DYNC2I1: variants seen among roughly 807,000 people sequenced by gnomAD.
The protein encoded by DYNC2I1 is cytoplasmic dynein 2 intermediate chain 1.
A neutral mutation model predicts 133.4 loss-of-function variants in DYNC2I1; 89 were observed. That is an observed-to-expected ratio of 0.67 (90% CI 0.56 to 0.80). DYNC2I1 has a LOEUF of 0.80. Among genes scored for constraint, DYNC2I1 ranks in the 30% least tolerant of loss-of-function variants. The pLI, the probability that DYNC2I1 is intolerant of heterozygous loss-of-function variation, is 0.00. For missense variants in DYNC2I1, 1,291 were observed against 1,314.5 expected, an observed-to-expected ratio of 0.98 and a Z score of 0.28; for synonymous variants, 504 against 484.3, an observed-to-expected ratio of 1.04 and a Z score of -0.54.
rs974532159 is a variant in DYNC2I1, at chr7:158,945,335, C to T, written c.3003-246C>T. On this transcript the variant is annotated intron_variant, in intron 24 of 24. Coordinates refer to ENST00000407559, the MANE Select transcript of DYNC2I1 (RefSeq NM_018051.5). This position sits in a 1 kb window ranked among gnomAD's most constrained non-coding sequence, Gnocchi z 4.1. ...CCTGCTGGGGGCTACTGACTCCCGG[C>T]CTGAGGAGACAGCAGCACGTCCTCA... Among the ~76,000 whole-genome samples, 2 of 152,150 alleles carry T rather than the reference C, an allele frequency of 1.3e-5. No homozygotes were observed. Among genetic ancestry groups the T allele is most frequent in the African/African-American group, 4.8e-5 (2 of 41,430 alleles).
intron 2 of DYNC2I1, among the ~76,000 whole-genome samples, chr7:158,870,808 C>T (rs1423837277): frequency 3.9e-5 from 6 of 152,020 alleles, no homozygotes; most frequent in African/African-American, 9.7e-5. Flanking sequence ...ACCTGTCACC[C>T]GAATAGTGAA....
chr7:158,908,433 C>G lies in DYNC2I1; in HGVS notation c.1460+2342C>G, dbSNP rs189844515. ...AAGGTACAATTGTCTGTAAATCTGA[C>G]AAAATTTAAAGGTAATTGACCAATT... On this transcript the variant is annotated intron_variant, in intron 11 of 24. Coordinates refer to ENST00000407559, the MANE Select transcript of DYNC2I1 (RefSeq NM_018051.5). Among the ~76,000 whole-genome samples the G allele has an allele frequency of 2.8e-4, 43 of 152,112 alleles. No individual in the cohort carries two copies. The East Asian group carries it at 7.7e-3, about 27-fold the overall frequency.
At chr7:158,898,259 G>A (rs1233641894) in intron 8 of DYNC2I1, among the ~76,000 whole-genome samples, 1 of 152,196 alleles carries the variant, frequency 6.6e-6, no homozygotes, top group Non-Finnish European at 1.5e-5. Context: ...CCGGTTCACT[G>A]ATGGTGCCGT....
intron 5 of DYNC2I1, among the ~76,000 whole-genome samples, chr7:158,884,059 T>G: frequency 6.6e-6 from 1 of 150,760 alleles, no homozygotes. Flanking sequence ...TTTTTTTTTT[T>G]TTTGAGATGG....
chr7:158,920,534 A>G (rs866957627), intron 15 of DYNC2I1, among the ~76,000 whole-genome samples: 2 of 151,676 alleles, frequency 1.3e-5, no homozygotes, highest in Non-Finnish European at 1.5e-5. Flanking sequence ...CTGTTGGGGA[A>G]CTCGTGAAGT....
upstream of DYNC2I1, among the ~76,000 whole-genome samples, chr7:158,853,922 G>A (rs1841110649): frequency 6.6e-6 from 1 of 152,010 alleles, no homozygotes; most frequent in South Asian, 2.1e-4. Context: ...CAAAGTGCTG[G>A]GATTACAGGC....
At chr7:158,939,182 C>G (rs1283681491) in intron 23 of DYNC2I1, among the ~76,000 whole-genome samples, 1 of 152,066 alleles carries the variant, frequency 6.6e-6, no homozygotes, top group Non-Finnish European at 1.5e-5. Flanking sequence ...ATAATCCCAG[C>G]ACTTTGGGAG....
intron 11 of DYNC2I1, among the ~76,000 whole-genome samples, chr7:158,908,363 A>G (rs1847052455): frequency 6.6e-6 from 1 of 152,200 alleles, no homozygotes; most frequent in Non-Finnish European, 1.5e-5. Context: ...AAAAAGAATA[A>G]AAATTAAAAA....
Position 158,944,037 on chromosome 7 carries a change from TAGAC to T in DYNC2I1, c.3003-1540_3003-1537del, listed in dbSNP as rs530037824. Reference sequence around the variant, plus strand: ...AAGTGCCCAGTTACTTTTCTCTGGTTAGACAGAGAAACAGAACAAGAAGAAACGG... The same window carrying T: ...AAGTGCCCAGTTACTTTTCTCTGGTTAGAGAAACAGAACAAGAAGAAACGG... On this transcript the variant is annotated intron_variant, in intron 24 of 24. Coordinates refer to ENST00000407559, the MANE Select transcript of DYNC2I1 (RefSeq NM_018051.5). Among the ~76,000 whole-genome samples, 296 of 152,328 alleles carry T rather than the reference TAGAC, an allele frequency of 1.9e-3. 3 individuals are homozygous for T. Among genetic ancestry groups the T allele is most frequent in the Non-Finnish European group, 3.5e-3 (239 of 68,020 alleles).
At chr7:158,918,584 G>A (rs1307916397) in intron 14 of DYNC2I1, among the ~76,000 whole-genome samples, 156 bp from the exon 15 acceptor site, 1 of 152,234 alleles carries the variant, frequency 6.6e-6, no homozygotes, top group Non-Finnish European at 1.5e-5. Flanking sequence ...TCAGTATTGA[G>A]CAGAAAGGAC....
chr7:158,874,522 G>C (rs116396879), intron 3 of DYNC2I1, among the ~76,000 whole-genome samples: 1 of 152,054 alleles, frequency 6.6e-6, no homozygotes, highest in Admixed American at 6.5e-5. Flanking sequence ...TTTCAGTGTG[G>C]TGTTGAAAGG....
chr7:158,883,380 TTA>T (rs1844246960), intron 5 of DYNC2I1, among the ~76,000 whole-genome samples: 1 of 142,140 alleles, frequency 7.0e-6, no homozygotes, highest in Non-Finnish European at 1.6e-5. Context: ...TGGCTTATTA[TTA>T]TTTTTTTTTT....
At chr7:158,919,341 G>A (rs775807370) in intron 15 of DYNC2I1, among the ~76,000 whole-genome samples, 9 of 152,192 alleles carry the variant, frequency 5.9e-5, no homozygotes, top group Non-Finnish European at 1.3e-4. Flanking sequence ...TCAATCCGTG[G>A]TTATGGAACA....
At chr7:158,933,958 T>C (rs1023987480) in intron 21 of DYNC2I1, among the ~76,000 whole-genome samples, 171 bp from the exon 22 acceptor site, 2 of 152,142 alleles carry the variant, frequency 1.3e-5, no homozygotes, top group East Asian at 3.8e-4. Context: ...GAAAAAATTA[T>C]CAAGAGTGTA....
rs185708745 is a variant in DYNC2I1, at chr7:158,902,622, G to A, written c.1357+27G>A. The A allele has an allele frequency of 2.0e-4, 324 of 1,603,896 alleles. No individual in the cohort carries two copies. In the African/African-American group the frequency reaches 4.1e-3, roughly 20 times the overall value. The stretch of plus-strand genomic sequence containing the variant: ...TAAACAAATCAATGCTACTAATGGT[G>A]TCCGTGCTCTTAGGGCTCTGTGTAC... On this transcript the variant is annotated intron_variant, in intron 10 of 24. Coordinates refer to ENST00000407559, the MANE Select transcript of DYNC2I1 (RefSeq NM_018051.5).
intron 4 of DYNC2I1, among the ~76,000 whole-genome samples, chr7:158,951,902 A>G (rs1269124935): frequency 6.6e-6 from 1 of 152,206 alleles, no homozygotes; most frequent in Admixed American, 6.5e-5. Flanking sequence ...TTTTAGAAGG[A>G]TGTGTTCTGG....
chr7:158,854,178 T>C (rs545737993), upstream of DYNC2I1, among the ~76,000 whole-genome samples: 97 of 152,154 alleles, frequency 6.4e-4, no homozygotes, highest in African/African-American at 2.2e-3. Context: ...AGCCGACCCA[T>C]TGAGTGAAGG....
chr7:158,843,374 C>T, the DYNC2I1 span, among the ~76,000 whole-genome samples: 1 of 152,194 alleles, frequency 6.6e-6, no homozygotes, highest in Non-Finnish European at 1.5e-5. Flanking sequence ...AATTCTCCTG[C>T]CTCAGCCACC....
chr7:158,869,984 A>G (rs1279346927), intron 2 of DYNC2I1, 76 bp downstream of exon 2: 2 of 1,291,260 alleles, frequency 1.5e-6, no homozygotes, highest in Admixed American at 1.9e-5. Context: ...TACCTGGTAC[A>G]CAACACTGTA....
Sources: gnomAD v4.1 joint callset for allele counts (sites outside exome capture counted in the v4.1 genomes callset) on GRCh38, gnomAD v4.1.1 for gene constraint, Gnocchi (gnomAD v3.1) non-coding constraint, MANE v1.5 for transcripts, NCBI Gene and HGNC (gene_info 2026-07-23, HGNC 2026-07-21) for gene names.